SV2C: variants seen among roughly 807,000 people sequenced by gnomAD.
The protein encoded by SV2C is synaptic vesicle glycoprotein 2C.
In SV2C, 49 loss-of-function variants were observed where a neutral mutation model predicts 79.7. The observed-to-expected ratio is 0.61, with a 90% confidence interval of 0.49 to 0.78. The LOEUF (loss-of-function observed/expected upper bound fraction) is 0.78. Among genes scored for constraint, SV2C ranks in the 30% least tolerant of loss-of-function variants. SV2C has a pLI of 0.00. For missense variants in SV2C, 833 were observed against 912.9 expected, an observed-to-expected ratio of 0.91 and a Z score of 1.13; for synonymous variants, 334 against 333.2, an observed-to-expected ratio of 1.00 and a Z score of -0.03.
chr5:76,057,839 A>G, the SV2C span, among the ~76,000 whole-genome samples: 1 of 152,164 alleles, frequency 6.6e-6, no homozygotes, highest in Admixed American at 6.6e-5. Context: ...ATCAAGGTTT[A>G]TGGCCAACCT....
At chr5:76,019,422 G>T in the SV2C span, among the ~76,000 whole-genome samples, 6 of 152,280 alleles carry the variant, frequency 3.9e-5, no homozygotes, top group African/African-American at 1.4e-4. Context: ...GTAAAAGAAA[G>T]ACCGATGGGG....
chr5:76,197,843 C>T (rs1346946692), intron 3 of SV2C, among the ~76,000 whole-genome samples: 1 of 152,058 alleles, frequency 6.6e-6, no homozygotes, highest in Non-Finnish European at 1.5e-5. Flanking sequence ...TAGCATGGCT[C>T]AGTATAAGTT....
At chr5:75,883,954 T>C in the SV2C span, among the ~76,000 whole-genome samples, 1 of 152,094 alleles carries the variant, frequency 6.6e-6, no homozygotes, top group African/African-American at 2.4e-5. Flanking sequence ...CTCTATTTAA[T>C]GGAACTTTCA....
At chr5:76,046,895 A>T in the SV2C span, among the ~76,000 whole-genome samples, 1 of 152,182 alleles carries the variant, frequency 6.6e-6, no homozygotes, top group East Asian at 1.9e-4. Context: ...TTCACCCATT[A>T]CGGAAATTGG....
chr5:76,057,999 A>T, the SV2C span, among the ~76,000 whole-genome samples: 1 of 152,140 alleles, frequency 6.6e-6, no homozygotes, highest in South Asian at 2.1e-4. Context: ...TTTATTTTAG[A>T]GGGAACTTTT....
intron 4 of SV2C, among the ~76,000 whole-genome samples, chr5:76,265,496 A>G (rs1242886118): frequency 2.6e-5 from 4 of 152,172 alleles, no homozygotes; most frequent in Non-Finnish European, 5.9e-5. Flanking sequence ...CCACTGGGGT[A>G]TGAAAAAAAC....
the SV2C span, among the ~76,000 whole-genome samples, chr5:76,056,937 A>G: frequency 1.3e-5 from 2 of 151,822 alleles, no homozygotes; most frequent in Admixed American, 1.3e-4. Context: ...TTGTTAATTA[A>G]AAAAACAGTT....
intron 6 of SV2C, chr5:76,286,801 A>C (rs2112498053): frequency 6.6e-6 from 1 of 152,366 alleles, no homozygotes; most frequent in South Asian, 2.1e-4. Flanking sequence ...ACAAGGAGAA[A>C]TGCTGAGCAA....
chr5:76,184,908 C>T (rs1235879378), intron 2 of SV2C, among the ~76,000 whole-genome samples: 4 of 152,202 alleles, frequency 2.6e-5, no homozygotes, highest in Non-Finnish European at 5.9e-5. Flanking sequence ...TCAGCATTAA[C>T]CCAAAGGTCC....
At chr5:76,233,636 G>C (rs1409738180) in intron 4 of SV2C, among the ~76,000 whole-genome samples, 1 of 150,900 alleles carries the variant, frequency 6.6e-6, no homozygotes, top group African/African-American at 2.5e-5. Context: ...TTTATTGAGA[G>C]TTTTTAGCAT....
intron 3 of SV2C, among the ~76,000 whole-genome samples, chr5:76,203,300 G>T (rs1304996863): frequency 6.6e-6 from 1 of 152,134 alleles, no homozygotes. Flanking sequence ...TGGGTGAGGG[G>T]GTGGATAGAG....
At chr5:76,317,519 T>C (rs1010042774) in intron 12 of SV2C, among the ~76,000 whole-genome samples, 8 of 152,018 alleles carry the variant, frequency 5.3e-5, no homozygotes, top group Non-Finnish European at 7.4e-5. Context: ...ATCTACACCA[T>C]TTCAGGCCTT....
rs1580254204 is a variant in SV2C, at chr5:76,085,867, C to A, written c.-102+2355C>A. 2.2e-5 allele frequency among the ~76,000 whole-genome samples: 2 copies of A among 89,052 alleles called. 1 individual carries two copies. The highest frequency in any genetic ancestry group is 2.4e-4 in the Admixed American group (2 of 8,304). 58.4% of individuals were successfully genotyped at this position (89,052 alleles called of 152,430 possible). A position where few individuals can be genotyped will look rare whatever the true frequency, so the allele number is the denominator to read the frequency against. ...CACACACACACACACACAGAATTTT[C>A]TTTTAAAAAATTCTAGAGACTTTTC... On this transcript the variant is annotated intron_variant, in intron 1 of 12. Transcript: ENST00000502798.
At chr5:75,999,223 T>C in the SV2C span, among the ~76,000 whole-genome samples, 1 of 152,180 alleles carries the variant, frequency 6.6e-6, no homozygotes, top group African/African-American at 2.4e-5. Flanking sequence ...AAGATGAGAT[T>C]TGGGTGGGGA....
At chr5:76,251,927 A>G (rs1161384358) in intron 4 of SV2C, among the ~76,000 whole-genome samples, 1 of 152,226 alleles carries the variant, frequency 6.6e-6, no homozygotes, top group Non-Finnish European at 1.5e-5. Flanking sequence ...ATTTGAGTTT[A>G]CAAAACACTT....
the SV2C span, among the ~76,000 whole-genome samples, chr5:76,016,942 G>A: frequency 1.2e-4 from 18 of 152,294 alleles, no homozygotes; most frequent in South Asian, 2.1e-4. Context: ...TGCCACCTGC[G>A]CTGTGCGTCA....
the SV2C span, among the ~76,000 whole-genome samples, chr5:76,026,768 G>T: frequency 2.9e-4 from 44 of 152,252 alleles, no homozygotes; most frequent in African/African-American, 1.0e-3. Flanking sequence ...AAATAAAGAT[G>T]ATCCTAGGAG....
chr5:75,913,960 G>GT, the SV2C span, among the ~76,000 whole-genome samples: 1 of 149,606 alleles, frequency 6.7e-6, no homozygotes, highest in Non-Finnish European at 1.5e-5. Context: ...AATGAGAATA[G>GT]TTAAAAAAAA....
chr5:76,098,684 C>CAAACA (rs780749226), intron 1 of SV2C, among the ~76,000 whole-genome samples: 1 of 152,202 alleles, frequency 6.6e-6, no homozygotes, highest in Admixed American at 6.5e-5. Context: ...GCAAAATGAA[C>CAAACA]AAACAAAACA....
Sources: gnomAD v4.1 joint callset for allele counts (sites outside exome capture counted in the v4.1 genomes callset) on GRCh38, gnomAD v4.1.1 for gene constraint, MANE v1.5 for transcripts, NCBI Gene and HGNC (gene_info 2026-07-23, HGNC 2026-07-21) for gene names.